GDAP1: variants seen among roughly 807,000 people sequenced by gnomAD.
GDAP1 encodes ganglioside induced differentiation associated protein 1.
A neutral mutation model predicts 40.1 loss-of-function variants in GDAP1; 34 were observed. The observed-to-expected ratio is 0.85, with a 90% CI of 0.64 to 1.13. The LOEUF is 1.13. Among genes scored for constraint, GDAP1 ranks in the 50% most tolerant of loss-of-function variants. GDAP1 has a pLI of 0.00. For synonymous variants in GDAP1, 170 were observed against 157.4 expected (o/e 1.08, Z -0.60); for missense variants, 374 against 433.7 (o/e 0.86, Z 1.22).
intron 2 of GDAP1, among the ~76,000 whole-genome samples, chr8:74,385,648 T>C (rs1810015000): frequency 6.6e-6 from 1 of 152,226 alleles, no homozygotes. Flanking sequence ...TACGTGTGCA[T>C]GTGTCTTTAT....
At chr8:74,392,451 G>A (rs904532501) in intron 2 of GDAP1, among the ~76,000 whole-genome samples, 2 of 152,120 alleles carry the variant, frequency 1.3e-5, no homozygotes, top group African/African-American at 4.8e-5. Flanking sequence ...CAGTGGTTAA[G>A]GCCTATGCTG....
At chr8:74,361,054 T>G (rs866801282) in intron 3 of GDAP1, among the ~76,000 whole-genome samples, 10 of 152,218 alleles carry the variant, frequency 6.6e-5, no homozygotes, top group Admixed American at 1.3e-4. Context: ...TTTCCTCTCC[T>G]CTCCCTTCCC....
intron 2 of GDAP1, among the ~76,000 whole-genome samples, chr8:74,467,413 A>G (rs1203533862): frequency 2.0e-5 from 3 of 152,312 alleles, no homozygotes; most frequent in Non-Finnish European, 1.5e-5. Context: ...CCACTGTGAC[A>G]TAAGTTCAAA....
At position 74,351,426 on chromosome 8, in the gene GDAP1, C is replaced by T; in HGVS notation, c.270C>T (p.Ala90=). ...ACGGGGAAAACATAATTTGTGAGGC[C>T]ACTCAGATCATTGATTATCTTGAAC... ...LIHGENIICE[A]TQIIDYLEQT... The change falls in exon 2 of 6, where the codon GCC becomes GCT. Residue 90 remains alanine, a synonymous_variant. Transcript: ENST00000220822. The T allele has an allele frequency of 6.2e-7, 1 of 1,613,968 alleles. No homozygotes were observed. Among genetic ancestry groups the T allele is most frequent in the Middle Eastern group, 1.7e-4 (1 of 6,060 alleles).
intron 2 of GDAP1, among the ~76,000 whole-genome samples, chr8:74,426,253 A>G (rs991372785): frequency 5.3e-5 from 8 of 152,256 alleles, no homozygotes; most frequent in African/African-American, 1.9e-4. Context: ...TTATGTAACT[A>G]TGATACATTT....
intron 2 of GDAP1, among the ~76,000 whole-genome samples, chr8:74,423,290 TGTG>T (rs1178724234): frequency 1.4e-5 from 2 of 147,356 alleles, no homozygotes; most frequent in Non-Finnish European, 3.0e-5. Context: ...TAATATGATA[TGTG>T]ATATGTATAC....
intron 2 of GDAP1, among the ~76,000 whole-genome samples, chr8:74,380,303 C>T (rs959897303): frequency 1.3e-5 from 2 of 152,134 alleles, no homozygotes; most frequent in African/African-American, 4.8e-5. Context: ...AGTCTTTCAT[C>T]TAATATTCTT....
intron 2 of GDAP1, among the ~76,000 whole-genome samples, chr8:74,383,523 T>G (rs1317054508): frequency 2.0e-5 from 3 of 152,198 alleles, no homozygotes. Context: ...GTTTTTCAGT[T>G]TCTACAAATA....
At chr8:74,379,465 A>G (rs1485558000) in intron 2 of GDAP1, among the ~76,000 whole-genome samples, 1 of 152,158 alleles carries the variant, frequency 6.6e-6, no homozygotes, top group Non-Finnish European at 1.5e-5. Context: ...GGATGATTGT[A>G]TTATTAAAAT....
intron 2 of GDAP1, among the ~76,000 whole-genome samples, chr8:74,421,677 G>T (rs976833632): frequency 2.0e-5 from 3 of 152,118 alleles, no homozygotes; most frequent in South Asian, 2.1e-4. Flanking sequence ...CCAGTGAGTG[G>T]TGTCATTCCT....
rs1810179730 is a variant in GDAP1 at position 74,395,426 on chromosome 8, CT to C, written c.165+44108del. On this transcript the variant is annotated intron_variant, in intron 2 of 2. Coordinates refer to the GDAP1 transcript ENST00000523640. ...AATACAGGAATCTTAATTTCATGTC[CT>C]TTCTCTTCTTGAAGAACAATAGTAA... is the stretch of plus-strand genomic sequence containing the variant. 2.0e-5 allele frequency among the ~76,000 whole-genome samples: 3 copies of C among 152,134 alleles called. No homozygotes were observed. In the South Asian group the frequency reaches 6.2e-4, roughly 32 times the overall value.
intron 2 of GDAP1, among the ~76,000 whole-genome samples, chr8:74,374,805 A>G (rs1004657793): frequency 6.6e-6 from 1 of 152,204 alleles, no homozygotes; most frequent in South Asian, 2.1e-4. Context: ...AGAAATGGGA[A>G]TTTGGAATAG....
At chr8:74,409,928 G>A (rs1805688428) in intron 2 of GDAP1, among the ~76,000 whole-genome samples, 1 of 149,734 alleles carries the variant, frequency 6.7e-6, no homozygotes, top group Non-Finnish European at 1.5e-5. Context: ...CATCTCCTTG[G>A]CTGTGGCACC....
intron 2 of GDAP1, among the ~76,000 whole-genome samples, chr8:74,396,248 G>A (rs539414616): frequency 5.1e-4 from 78 of 151,806 alleles, no homozygotes; most frequent in Middle Eastern, 3.4e-3. Flanking sequence ...TTAAAAACCC[G>A]TGAAATTTAT....
At chr8:74,358,984 C>T (rs1809229556) in intron 2 of GDAP1, among the ~76,000 whole-genome samples, 1 of 152,080 alleles carries the variant, frequency 6.6e-6, no homozygotes, top group Non-Finnish European at 1.5e-5. Flanking sequence ...GTTATTAGAC[C>T]TGACATTTTT....
chr8:74,460,462 A>G (rs1213582899), intron 2 of GDAP1, among the ~76,000 whole-genome samples: 1 of 152,220 alleles, frequency 6.6e-6, no homozygotes, highest in Non-Finnish European at 1.5e-5. Flanking sequence ...CATGTCGCCA[A>G]TTTTACTAAA....
chr8:74,364,004 G>A lies in GDAP1; in HGVS notation c.714G>A (p.Trp238Ter). Residue 238 changes from tryptophan to a stop codon, truncating the protein, a stop_gained, in exon 6 of 6, where the codon TGG becomes TGA. Transcript: ENST00000220822. LOFTEE classifies it high-confidence loss of function. ...AATTAGAAGAGGGCCAGCAACCTTG[G>A]CTCTGCGGTGAATCCTTCACCCTGG... ...EETPEEGQQP[W>*]LCGESFTLAD... is the part of the protein sequence containing the mutation. 1.2e-6 allele frequency: 2 copies of A among 1,613,982 alleles called. No homozygotes were observed. Among genetic ancestry groups the A allele is most frequent in the Non-Finnish European group, 1.7e-6 (2 of 1,179,934 alleles).
rs1308505949 is a variant in GDAP1 at position 74,402,512 on chromosome 8, G to A, written c.165+51191G>A. Among the ~76,000 whole-genome samples the A allele has an allele frequency of 8.6e-5, 13 of 150,368 alleles. 2 individuals carry two copies. Among genetic ancestry groups the A allele is most frequent in the African/African-American group, 3.0e-4 (12 of 39,670 alleles). On this transcript the variant is annotated intron_variant, in intron 2 of 2. Coordinates refer to the GDAP1 transcript ENST00000523640. ...CCCTGACCCCTTGCGCTTCCTGAGT[G>A]AGGCAATGCCTCGCCCTGCTTCGGC...
intron 2 of GDAP1, among the ~76,000 whole-genome samples, chr8:74,486,441 A>G (rs1806777132): frequency 6.6e-6 from 1 of 152,200 alleles, no homozygotes. Context: ...CTGTGTGGTC[A>G]GAATCTTATT....
Sources: allele counts gnomAD v4.1 joint callset (sites outside exome capture counted in the v4.1 genomes callset), GRCh38; gene constraint gnomAD v4.1.1; transcripts MANE v1.5; gene names NCBI Gene and HGNC (gene_info 2026-07-23, HGNC 2026-07-21).